PODXL: variants seen among roughly 807,000 people sequenced by gnomAD.
PODXL encodes podocalyxin.
A neutral mutation model predicts 48.9 loss-of-function variants in PODXL; 20 were observed. The ratio of observed to expected loss-of-function variants is 0.41; its 90% confidence interval spans 0.29 to 0.59. The LOEUF (loss-of-function observed/expected upper bound fraction) is 0.59. Ranked by LOEUF, PODXL falls within the 20% of genes least tolerant of loss-of-function variation. The pLI, the probability that PODXL is intolerant of heterozygous loss-of-function variation, is 0.31. For missense variants in PODXL, 606 were observed against 675.1 expected (o/e 0.90, Z 1.13); for synonymous variants, 295 against 287.4 (o/e 1.03, Z -0.27).
intron 5 of PODXL, among the ~76,000 whole-genome samples, chr7:131,507,978 C>T (rs932155062): frequency 6.6e-6 from 1 of 152,246 alleles, no homozygotes; most frequent in Admixed American, 6.5e-5. Flanking sequence ...TCTATAGACA[C>T]CGTGTTCAGG....
intron 1 of PODXL, among the ~76,000 whole-genome samples, chr7:131,522,033 A>G (rs905736580): frequency 2.0e-5 from 3 of 152,254 alleles, no homozygotes; most frequent in Non-Finnish European, 4.4e-5. Flanking sequence ...AGGAAGAGGC[A>G]GGAATGCCAG....
At position 131,504,012 on chromosome 7, in the gene PODXL, A is replaced by G. The variant is rs113382424; in HGVS notation, c.*299T>C. ...CTTCAGGTCTCGGCAATCTCACTGC[A>G]GAATGAAGGGATTCCACTAGTTCAT... On this transcript the variant is annotated 3_prime_UTR_variant, in exon 9 of 9. Coordinates refer to ENST00000378555, the MANE Select transcript of PODXL (RefSeq NM_001018111.3). 0.061 allele frequency: 25,980 copies of G among 429,076 alleles called. 1,020 individuals are homozygous for G. Among genetic ancestry groups the G allele is most frequent in the Non-Finnish European group, 0.074 (17,183 of 233,694 alleles). 26.6% of individuals were successfully genotyped at this position (429,076 alleles called of 1,614,324 possible).
chr7:131,535,813 G>A (rs986475923), intron 1 of PODXL, among the ~76,000 whole-genome samples: 1 of 152,192 alleles, frequency 6.6e-6, no homozygotes, highest in South Asian at 2.1e-4. Flanking sequence ...CCAGGCTGGA[G>A]TGCAGTGGCA....
intron 1 of PODXL, among the ~76,000 whole-genome samples, chr7:131,516,977 C>T (rs1798007807): frequency 6.6e-6 from 1 of 152,150 alleles, no homozygotes; most frequent in Non-Finnish European, 1.5e-5. Context: ...ACCTCAGCCT[C>T]CCAAATTGCT....
chr7:131,500,300 T>C lies in PODXL; in HGVS notation c.*4011A>G, dbSNP rs1388615425. 1.3e-5 allele frequency: 2 copies of C among 152,556 alleles called. No individual in the cohort carries two copies. The highest frequency in any genetic ancestry group is 2.4e-5 in the African/African-American group (1 of 41,458). The allele number at this position is 152,556 out of a possible 1,614,324, so 9.5% of individuals were successfully genotyped here. A position where few individuals can be genotyped will look rare whatever the true frequency, so the allele number is the denominator to read the frequency against. ...CACAAAAACACTTTAATTGACAGTA[T>C]ACAATTTTCCAAAATATATTTTTGT... On this transcript the variant is annotated 3_prime_UTR_variant, in exon 9 of 9. Transcript: ENST00000378555.
chr7:131,506,234 G>A, intron 7 of PODXL, 26 bp downstream of exon 7: 1 of 1,612,134 alleles, frequency 6.2e-7, no homozygotes, highest in Non-Finnish European at 8.5e-7. Context: ...GAGCCACTCT[G>A]TCCCCACACT....
In PODXL at chr7:131,505,854, A is replaced by C. The variant is rs1797788582; in HGVS notation, c.1479+14T>G. 3 of 1,550,630 alleles carry C rather than the reference A, an allele frequency of 1.9e-6. No homozygotes were observed. The highest frequency in any genetic ancestry group is 2.6e-6 in the Non-Finnish European group (3 of 1,147,472). Reference sequence around the variant, plus strand: ...TGGGCTGCTTCCCCTGTGTGGCTGCAAACAGCTGCTTACCTGGTCCTTCCT... The same window carrying C: ...TGGGCTGCTTCCCCTGTGTGGCTGCCAACAGCTGCTTACCTGGTCCTTCCT... On this transcript the variant is annotated intron_variant, in intron 8 of 8. Transcript: ENST00000378555.
chr7:131,516,776 C>T (rs1165850499), intron 1 of PODXL, among the ~76,000 whole-genome samples: 1 of 135,366 alleles, frequency 7.4e-6, no homozygotes, highest in Non-Finnish European at 1.5e-5. Flanking sequence ...TGCTCCATCA[C>T]CTAGGTTGTA....
chr7:131,534,242 C>T (rs1798330167), intron 1 of PODXL, among the ~76,000 whole-genome samples: 2 of 152,180 alleles, frequency 1.3e-5, no homozygotes, highest in Admixed American at 1.3e-4. Context: ...GATGAGGCAC[C>T]AGGGCAGCTG....
chr7:131,524,415 C>G (rs1241114469), intron 1 of PODXL, among the ~76,000 whole-genome samples: 1 of 64,132 alleles, frequency 1.6e-5, no homozygotes, highest in Middle Eastern at 8.9e-3. Context: ...GAGAAAACAA[C>G]AAGGAAAACT....
chr7:131,526,731 T>C (rs1016953688), intron 1 of PODXL, among the ~76,000 whole-genome samples: 1 of 113,078 alleles, frequency 8.8e-6, no homozygotes, highest in African/African-American at 3.2e-5. Flanking sequence ...ATCCACAACT[T>C]CCTTACTCTT....
chr7:131,540,982 G>A (rs1266047894), intron 1 of PODXL, among the ~76,000 whole-genome samples: 1 of 152,246 alleles, frequency 6.6e-6, no homozygotes, highest in East Asian at 1.9e-4. Context: ...AAGGCAGCAA[G>A]TTCAGCTCTC....
chr7:131,544,014 T>C (rs1366844052), intron 1 of PODXL, among the ~76,000 whole-genome samples: 2 of 152,188 alleles, frequency 1.3e-5, no homozygotes, highest in Non-Finnish European at 2.9e-5. Context: ...TGGGAAATAC[T>C]AAACAGGAAG....
chr7:131,506,340 A>G lies in PODXL; in HGVS notation c.1250-19T>C. 1 of 1,613,806 alleles carries G rather than the reference A, an allele frequency of 6.2e-7. No individual in the cohort carries two copies. Among genetic ancestry groups the G allele is most frequent in the Non-Finnish European group, 8.5e-7 (1 of 1,179,684 alleles). ...AGCTTAGCTGTGGGAGAGGGAGACG[A>G]TGCCCAATGGCCCAGCCCAGAGCGA... On this transcript the variant is annotated intron_variant, in intron 6 of 8. Coordinates refer to ENST00000378555, the MANE Select transcript of PODXL (RefSeq NM_001018111.3).
chr7:131,549,707 G>A (rs1798638698), intron 1 of PODXL, among the ~76,000 whole-genome samples: 1 of 152,186 alleles, frequency 6.6e-6, no homozygotes, highest in Admixed American at 6.5e-5. Flanking sequence ...CAGATAGCAA[G>A]CCTCTCTCAG....
chr7:131,511,546 T>TTAGCAAGGCA, intron 1 of PODXL, 113 bp from the exon 2 acceptor site: 7 of 1,075,170 alleles, frequency 6.5e-6, no homozygotes, highest in Non-Finnish European at 9.4e-6. Flanking sequence ...CTGTCTGCCT[T>TTAGCAAGGCA]GCTAAAGGCC....
At position 131,525,539 on chromosome 7, in the gene PODXL, G is replaced by T. The variant is rs111680292; in HGVS notation, c.101-14106C>A. ...CCGCTTGAACTGGGAGGCAGAGGTT[G>T]TAGTGAGCTGAGATCGTGCCATTGC... On this transcript the variant is annotated intron_variant, in intron 1 of 8. Coordinates refer to ENST00000378555, the MANE Select transcript of PODXL (RefSeq NM_001018111.3). Among the ~76,000 whole-genome samples, 383 of 150,990 alleles carry T rather than the reference G, an allele frequency of 2.5e-3. 4 individuals are homozygous for T. Among genetic ancestry groups the T allele is most frequent in the African/African-American group, 8.7e-3 (359 of 41,124 alleles).
chr7:131,546,546 G>T (rs1286103917), intron 1 of PODXL, among the ~76,000 whole-genome samples: 5 of 151,388 alleles, frequency 3.3e-5, no homozygotes, highest in African/African-American at 1.2e-4. Context: ...GCCAACATGG[G>T]GAAACCCCAT....
chr7:131,549,461 G>A (rs1798635032), intron 1 of PODXL, among the ~76,000 whole-genome samples: 1 of 152,188 alleles, frequency 6.6e-6, no homozygotes, highest in Admixed American at 6.5e-5. Context: ...TCAGTCCTCA[G>A]GCAGAGCTCC....
Sources: allele counts gnomAD v4.1 joint callset (sites outside exome capture counted in the v4.1 genomes callset), GRCh38; gene constraint gnomAD v4.1.1; transcripts MANE v1.5; gene names NCBI Gene and HGNC (gene_info 2026-07-23, HGNC 2026-07-21).